Variants in CLNS1A observed in about 807,000 individuals in gnomAD.
The protein encoded by CLNS1A is methylosome subunit pICln.
In CLNS1A, 16 loss-of-function variants were observed where a neutral mutation model predicts 29.4. The ratio of observed to expected loss-of-function variants is 0.54; its 90% CI spans 0.37 to 0.83. The LOEUF (loss-of-function observed/expected upper bound fraction) is 0.83. Ranked by LOEUF, CLNS1A falls within the 40% of genes least tolerant of loss-of-function variation. CLNS1A has a pLI of 0.00. For missense variants in CLNS1A, 235 were observed against 287.4 expected (o/e 0.82, Z 1.32); for synonymous variants, 96 against 104.8 (o/e 0.92, Z 0.51).
intron 1 of CLNS1A, among the ~76,000 whole-genome samples, chr11:77,631,382 C>CG (rs1289628147): frequency 2.0e-5 from 3 of 149,362 alleles, no homozygotes; most frequent in African/African-American, 7.4e-5. Context: ...AGTGCAGTGG[C>CG]GGATCTCGGC....
intron 5 of CLNS1A, among the ~76,000 whole-genome samples, chr11:77,621,305 ACAC>A (rs1958955913): frequency 6.6e-6 from 1 of 151,900 alleles, no homozygotes; most frequent in African/African-American, 2.4e-5. Flanking sequence ...ACACACACAC[ACAC>A]ACACACACAC....
chr11:77,619,785 G>A, intron 5 of CLNS1A, 90 bp from the exon 6 acceptor site: 1 of 895,114 alleles, frequency 1.1e-6, no homozygotes, highest in South Asian at 1.4e-5. Context: ...GGAAGCTAGT[G>A]CCCTCTGCTG....
chr11:77,637,759 A>C lies in CLNS1A; in HGVS notation c.-45T>G. ...ACAGGCCCTGAGGGAGTTGGAGCACAGCAATGCGTGCACCACACCGCCCGC... is the reference window on the plus strand; with the variant it reads ...ACAGGCCCTGAGGGAGTTGGAGCACCGCAATGCGTGCACCACACCGCCCGC... On this transcript the variant is annotated 5_prime_UTR_variant, in exon 1 of 7. Coordinates refer to ENST00000525428, the MANE Select transcript of CLNS1A (RefSeq NM_001293.3). 1 of 1,531,332 alleles carries C rather than the reference A, an allele frequency of 6.5e-7. No homozygotes were observed. Among genetic ancestry groups the C allele is most frequent in the Non-Finnish European group, 8.8e-7 (1 of 1,135,616 alleles). 94.9% of individuals were successfully genotyped at this position (1,531,332 alleles called of 1,614,324 possible).
chr11:77,637,649 G>T lies in CLNS1A; in HGVS notation c.66C>A (p.Asp22Glu). ...CCTTCCCGTTCAGCACAGCCTCAGT[G>T]TCTGGCTGCTGCCGCAGGAGCCCCT... ...PAEGLLRQQP[D>E]TEAVLNGKGL... The change falls in exon 1 of 7, where the codon GAC becomes GAA. Residue 22 changes from aspartate (D) to glutamate (E), a missense_variant. Coordinates refer to ENST00000525428, the MANE Select transcript of CLNS1A (RefSeq NM_001293.3). 6.3e-7 allele frequency: 1 copy of T among 1,582,694 alleles called. No individual in the cohort carries two copies. The highest frequency in any genetic ancestry group is 8.6e-7 in the Non-Finnish European group (1 of 1,165,096).
intron 6 of CLNS1A, among the ~76,000 whole-genome samples, chr11:77,617,787 G>A (rs1484690514): frequency 2.6e-5 from 4 of 151,670 alleles, no homozygotes; most frequent in Non-Finnish European, 4.4e-5. Flanking sequence ...GCGTGGTGGC[G>A]CGCGTCTGTA....
At chr11:77,629,114 A>T (rs776362537) in intron 2 of CLNS1A, among the ~76,000 whole-genome samples, 31 of 152,212 alleles carry the variant, frequency 2.0e-4, no homozygotes, top group Non-Finnish European at 3.2e-4. Flanking sequence ...TTAAATTATG[A>T]GAAGCACAGG....
intron 6 of CLNS1A, among the ~76,000 whole-genome samples, chr11:77,617,824 A>G (rs1958920243): frequency 6.6e-6 from 1 of 151,976 alleles, no homozygotes; most frequent in South Asian, 2.1e-4. Context: ...AGACTGAAGC[A>G]GGAGAATCGC....
Position 77,637,662 on chromosome 11 carries a change from C to A in CLNS1A, c.53G>T (p.Arg18Leu), listed in dbSNP as rs560134044. The A allele has an allele frequency of 6.4e-7, 1 of 1,573,498 alleles. No homozygotes were observed. The highest frequency in any genetic ancestry group is 8.6e-7 in the Non-Finnish European group (1 of 1,160,054). Residue 18 changes from arginine (R) to leucine (L), a missense_variant, in exon 1 of 7, where the codon CGG (arginine) becomes CTG (leucine). Transcript: ENST00000525428. The part of the protein sequence containing the change: ...PPPGPAEGLL[R>L]QQPDTEAVLN... ...CACAGCCTCAGTGTCTGGCTGCTGC[C>A]GCAGGAGCCCCTCCGCTGGCCCAGG...
intron 1 of CLNS1A, among the ~76,000 whole-genome samples, chr11:77,633,084 CAAA>C (rs887085397): frequency 9.0e-5 from 5 of 55,602 alleles, no homozygotes; most frequent in Admixed American, 1.9e-4. Flanking sequence ...GACTCCATCT[CAAA>C]AAAAAAAAAA....
At chr11:77,634,979 A>G (rs1270089453) in intron 1 of CLNS1A, among the ~76,000 whole-genome samples, 2 of 152,180 alleles carry the variant, frequency 1.3e-5, no homozygotes, top group South Asian at 2.1e-4. Flanking sequence ...CAGTTTTTGT[A>G]TTCTTTGCAG....
At chr11:77,623,583 C>A (rs1422222431) in intron 4 of CLNS1A, among the ~76,000 whole-genome samples, 1 of 148,492 alleles carries the variant, frequency 6.7e-6, no homozygotes, top group Non-Finnish European at 1.5e-5. Flanking sequence ...CAGAGTTAGA[C>A]CCTGTTTAAA....
At chr11:77,636,501 A>G (rs1959127146) in intron 1 of CLNS1A, among the ~76,000 whole-genome samples, 1 of 152,140 alleles carries the variant, frequency 6.6e-6, no homozygotes, top group South Asian at 2.1e-4. Flanking sequence ...AACCTTGTTC[A>G]ATGTCTAAAT....
At chr11:77,623,560 C>G (rs936310297) in intron 4 of CLNS1A, among the ~76,000 whole-genome samples, 34 of 150,702 alleles carry the variant, frequency 2.3e-4, no homozygotes, top group African/African-American at 8.3e-4. Flanking sequence ...CCACTGTATT[C>G]CAGCCTGGGC....
intron 1 of CLNS1A, among the ~76,000 whole-genome samples, chr11:77,631,244 C>T (rs1210828816): frequency 6.6e-6 from 1 of 151,928 alleles, no homozygotes; most frequent in Non-Finnish European, 1.5e-5. Context: ...GAAAGCATTA[C>T]CAAAAACAAA....
chr11:77,636,156 G>A (rs1959123751), intron 1 of CLNS1A, among the ~76,000 whole-genome samples: 1 of 151,694 alleles, frequency 6.6e-6, no homozygotes, highest in African/African-American at 2.4e-5. Flanking sequence ...CCGCAGCCTC[G>A]ACCTCCTGGG....
chr11:77,625,854 G>A (rs749824024), intron 2 of CLNS1A, 36 bp from the exon 3 acceptor site: 1 of 1,444,446 alleles, frequency 6.9e-7, no homozygotes, highest in Non-Finnish European at 9.5e-7. Flanking sequence ...GTCATTATTT[G>A]ACTTTAAAAA....
intron 5 of CLNS1A, 179 bp downstream of exon 5, chr11:77,622,320 GA>G (rs578234369): frequency 8.7e-4 from 521 of 596,128 alleles, no homozygotes; most frequent in African/African-American, 6.6e-3. Context: ...TGGTAATGAG[GA>G]AAAAAAATCA....
chr11:77,622,489 A>G lies in CLNS1A; in HGVS notation c.646+11T>C. The G allele has an allele frequency of 6.4e-7, 1 of 1,572,804 alleles. No individual in the cohort carries two copies. The highest frequency in any genetic ancestry group is 8.6e-7 in the Non-Finnish European group (1 of 1,162,992). Reference sequence around the variant, plus strand: ...CTCATCTGACTGTTCACACTGCAAAAGGACACTCACCTTCATAATCTCTTA... The same window carrying G: ...CTCATCTGACTGTTCACACTGCAAAGGGACACTCACCTTCATAATCTCTTA... On this transcript the variant is annotated intron_variant, in intron 5 of 6. Coordinates refer to ENST00000525428, the MANE Select transcript of CLNS1A (RefSeq NM_001293.3).
In CLNS1A at chr11:77,637,735, C is replaced by T; in HGVS notation, c.-21G>A. 1.9e-6 allele frequency: 3 copies of T among 1,551,206 alleles called. No individual in the cohort carries two copies. The highest frequency in any genetic ancestry group is 2.6e-6 in the Non-Finnish European group (3 of 1,146,802). Reference sequence around the variant, plus strand: ...CTCATAGCAGCAGAGTGCGGCAACACAGGCCCTGAGGGAGTTGGAGCACAG... The same window carrying T: ...CTCATAGCAGCAGAGTGCGGCAACATAGGCCCTGAGGGAGTTGGAGCACAG... On this transcript the variant is annotated 5_prime_UTR_variant, in exon 1 of 7. The change creates a new upstream start codon in the 5' untranslated region. Coordinates refer to ENST00000525428, the MANE Select transcript of CLNS1A (RefSeq NM_001293.3).
Sources: allele counts gnomAD v4.1 joint callset (sites outside exome capture counted in the v4.1 genomes callset), GRCh38; gene constraint gnomAD v4.1.1; transcripts MANE v1.5; gene names NCBI Gene and HGNC (gene_info 2026-07-23, HGNC 2026-07-21).